AGAP1: variants seen among roughly 807,000 people sequenced by gnomAD.
The protein encoded by AGAP1 is arf-GAP with GTPase, ANK repeat and PH domain-containing protein 1.
A neutral mutation model predicts 105.3 loss-of-function variants in AGAP1; 29 were observed. The ratio of observed to expected loss-of-function variants is 0.28; its 90% CI spans 0.21 to 0.38. The LOEUF is 0.38. AGAP1 is among the 10% of genes least tolerant of loss of function. The probability of loss-of-function intolerance (pLI) is 1.00; values close to 1 mark genes in which losing one functional copy is unlikely to be tolerated. For synonymous variants in AGAP1, 509 were observed against 485.9 expected (o/e 1.05, Z -0.63); for missense variants, 998 against 1,165.1 (o/e 0.86, Z 2.09).
At chr2:235,922,398 T>C (rs2052225596) in intron 11 of AGAP1, among the ~76,000 whole-genome samples, 1 of 152,238 alleles carries the variant, frequency 6.6e-6, no homozygotes, top group South Asian at 2.1e-4. Context: ...TGAAAGTTCC[T>C]ATCGCCATCA....
chr2:236,074,321 C>G (rs2058581518), intron 16 of AGAP1, among the ~76,000 whole-genome samples: 1 of 152,194 alleles, frequency 6.6e-6, no homozygotes, highest in South Asian at 2.1e-4. Flanking sequence ...TCTCCACTCC[C>G]TCCCCATAGA....
At chr2:235,923,951 T>C (rs1338011241) in intron 11 of AGAP1, among the ~76,000 whole-genome samples, 1 of 152,126 alleles carries the variant, frequency 6.6e-6, no homozygotes, top group African/African-American at 2.4e-5. Context: ...AGAAGAGTGG[T>C]GTAGGTTGTC....
At position 235,720,618 on chromosome 2, in the gene AGAP1, A is replaced by G; in HGVS notation, c.310+2974A>G. On this transcript the variant is annotated intron_variant, in intron 3 of 17. Transcript: ENST00000304032. This position sits in a 1 kb window ranked among gnomAD's most constrained non-coding sequence, Gnocchi z 5.0. The stretch of plus-strand genomic sequence containing the variant: ...TCAACTGGGCAGCTACTTTGAATGA[A>G]AGGCATTTTGCTGTGTATCTGCCTG... 1.0e-6 allele frequency: 1 copy of G among 972,372 alleles called. No homozygotes were observed. The highest frequency in any genetic ancestry group is 1.2e-6 in the Non-Finnish European group (1 of 818,112). 60.2% of individuals were successfully genotyped at this position (972,372 alleles called of 1,614,324 possible). A position where few individuals can be genotyped will look rare whatever the true frequency, so the allele number is the denominator to read the frequency against.
Position 235,600,459 on chromosome 2 carries a change from T to A in AGAP1, c.163+105610T>A, listed in dbSNP as rs1482111152. ...ACCCCCTCATTACAGACCCCCACCA[T>A]CCCCGCTGGATTAGGGTTCTCTAGA... On this transcript the variant is annotated intron_variant, in intron 1 of 17. Coordinates refer to ENST00000304032, the MANE Select transcript of AGAP1 (RefSeq NM_001037131.3). The surrounding 1 kb of genome is among the most constrained non-coding windows in gnomAD (Gnocchi z 4.8). Among the ~76,000 whole-genome samples the A allele has an allele frequency of 6.6e-6, 1 of 151,516 alleles. No individual in the cohort carries two copies. Among genetic ancestry groups the A allele is most frequent in the Non-Finnish European group, 1.5e-5 (1 of 67,896 alleles).
intron 1 of AGAP1, among the ~76,000 whole-genome samples, chr2:235,497,424 G>A (rs1362896422): frequency 2.6e-5 from 4 of 152,194 alleles, no homozygotes; most frequent in Admixed American, 2.0e-4. Flanking sequence ...TTTCCAATCA[G>A]GACAGCAGGT....
At chr2:235,746,627 T>G (rs1952975755) in intron 5 of AGAP1, among the ~76,000 whole-genome samples, 1 of 151,996 alleles carries the variant, frequency 6.6e-6, no homozygotes, top group African/African-American at 2.4e-5. Flanking sequence ...TGTTTTAAAG[T>G]GGATGCTCAT....
intron 9 of AGAP1, among the ~76,000 whole-genome samples, chr2:235,873,302 C>G (rs758304040): frequency 6.6e-6 from 1 of 152,166 alleles, no homozygotes; most frequent in African/African-American, 2.4e-5. Context: ...AGCTATTTCC[C>G]GAGTCTGCTC....
At position 235,992,608 on chromosome 2, in the gene AGAP1, G is replaced by A. The variant is rs1311089789; in HGVS notation, c.1645+23985G>A. On this transcript the variant is annotated intron_variant, in intron 13 of 17. Coordinates refer to ENST00000304032, the MANE Select transcript of AGAP1 (RefSeq NM_001037131.3). The surrounding 1 kb of genome is among the most constrained non-coding windows in gnomAD (Gnocchi z 4.8). ...TGTGTTCTGATGTAAGAGATCACTTGTTATATTATGCTTTTTAAATGTTGA... is the reference window on the plus strand; with the variant it reads ...TGTGTTCTGATGTAAGAGATCACTTATTATATTATGCTTTTTAAATGTTGA... Among the ~76,000 whole-genome samples, 5 of 152,206 alleles carry A rather than the reference G, an allele frequency of 3.3e-5. No individual in the cohort carries two copies. The highest frequency in any genetic ancestry group is 7.3e-5 in the Non-Finnish European group (5 of 68,032).
chr2:235,846,181 G>A (rs1402134193), intron 9 of AGAP1, among the ~76,000 whole-genome samples: 3 of 152,034 alleles, frequency 2.0e-5, no homozygotes, highest in Non-Finnish European at 4.4e-5. Context: ...TGGAAATTTC[G>A]ATCTAGGACT....
intron 9 of AGAP1, among the ~76,000 whole-genome samples, chr2:235,873,696 T>C (rs1450380705): frequency 6.6e-6 from 1 of 152,220 alleles, no homozygotes; most frequent in African/African-American, 2.4e-5. Flanking sequence ...GTCCAGTCCA[T>C]GTGGAAGGAC....
chr2:235,784,397 A>G (rs1956476692), intron 6 of AGAP1, among the ~76,000 whole-genome samples: 1 of 152,198 alleles, frequency 6.6e-6, no homozygotes, highest in African/African-American at 2.4e-5. Context: ...ATCACAGCAG[A>G]TTACAGATTC....
At position 235,943,362 on chromosome 2, in the gene AGAP1, A is replaced by ATTTTTTTTTT. The variant is rs562379887; in HGVS notation, c.1483+12449_1483+12458dup. Among the ~76,000 whole-genome samples, 11 of 127,084 alleles carry ATTTTTTTTTT rather than the reference A, an allele frequency of 8.7e-5. 1 individual carries two copies. The highest frequency in any genetic ancestry group is 2.5e-4 in the South Asian group (1 of 3,994). The allele number at this position is 127,084 out of a possible 152,430, so 83.4% of individuals were successfully genotyped here. A position where few individuals can be genotyped will look rare whatever the true frequency, so the allele number is the denominator to read the frequency against. On this transcript the variant is annotated intron_variant, in intron 12 of 17. Transcript: ENST00000304032. Reference sequence around the variant, plus strand: ...AAAAGGCAAAGACCTAAAGGACTTAATTTTTTTTTTTTTTTTTTTGACACA... The same window carrying ATTTTTTTTTT: ...AAAAGGCAAAGACCTAAAGGACTTAATTTTTTTTTTTTTTTTTTTTTTTTTTTTTGACACA...
In AGAP1 at chr2:236,123,293, C is replaced by G. The variant is rs762332001; in HGVS notation, c.2371-626C>G. 5.3e-5 allele frequency among the ~76,000 whole-genome samples: 8 copies of G among 152,130 alleles called. No individual in the cohort carries two copies. The highest frequency in any genetic ancestry group is 1.0e-4 in the Non-Finnish European group (7 of 68,032). On this transcript the variant is annotated intron_variant, in intron 17 of 17. Coordinates refer to ENST00000304032, the MANE Select transcript of AGAP1 (RefSeq NM_001037131.3). This position sits in a 1 kb window ranked among gnomAD's most constrained non-coding sequence, Gnocchi z 4.6. Reference sequence around the variant, plus strand: ...ACAGGGTCTCCCAGTATTGCTCAGGCTAGTCTTGAACTCCTGGGCTGAAGT... The same window carrying G: ...ACAGGGTCTCCCAGTATTGCTCAGGGTAGTCTTGAACTCCTGGGCTGAAGT...
rs1248888151 is a variant in AGAP1, at chr2:235,574,686, T to C, written c.163+79837T>C. 6.6e-6 allele frequency among the ~76,000 whole-genome samples: 1 copy of C among 152,172 alleles called. No individual in the cohort carries two copies. Among genetic ancestry groups the C allele is most frequent in the Admixed American group, 6.6e-5 (1 of 15,262 alleles). ...ATTTGACCCCTAAAAGGAAGGTCTT[T>C]TGCTTTTTAAAGAGACTGTATTAAG... On this transcript the variant is annotated intron_variant, in intron 1 of 17. Coordinates refer to ENST00000304032, the MANE Select transcript of AGAP1 (RefSeq NM_001037131.3). The surrounding 1 kb of genome is among the most constrained non-coding windows in gnomAD (Gnocchi z 5.0).
At chr2:236,025,064 C>G (rs985992796) in intron 13 of AGAP1, among the ~76,000 whole-genome samples, 2 of 152,164 alleles carry the variant, frequency 1.3e-5, no homozygotes, top group African/African-American at 4.8e-5. Flanking sequence ...ATTTTGCTGT[C>G]TGTGTGTGTA....
chr2:235,826,496 C>A (rs981867310), intron 9 of AGAP1, among the ~76,000 whole-genome samples: 3 of 152,162 alleles, frequency 2.0e-5, no homozygotes, highest in Non-Finnish European at 2.9e-5. Flanking sequence ...GTCACCCAGG[C>A]TGGAGTGCAG....
intron 9 of AGAP1, among the ~76,000 whole-genome samples, chr2:235,858,759 A>G (rs768029109): frequency 2.0e-5 from 3 of 152,232 alleles, no homozygotes; most frequent in Non-Finnish European, 4.4e-5. Context: ...TGTGAAATTG[A>G]TGAGCAGGGA....
chr2:235,520,033 C>T lies in AGAP1; in HGVS notation c.163+25184C>T, dbSNP rs184526619. 9.8e-5 allele frequency among the ~76,000 whole-genome samples: 15 copies of T among 152,298 alleles called. No individual in the cohort carries two copies. In the South Asian group the frequency reaches 1.2e-3, roughly 13 times the overall value. ...CTGACCTCAGGTGATTCGCCTGCCT[C>T]GGCCTCCCAATGTGCTGGGATTATA... On this transcript the variant is annotated intron_variant, in intron 1 of 17. Transcript: ENST00000304032.
At chr2:235,649,672 G>A (rs1947516808) in intron 1 of AGAP1, among the ~76,000 whole-genome samples, 2 of 152,304 alleles carry the variant, frequency 1.3e-5, no homozygotes, top group East Asian at 1.9e-4. Context: ...GTGGCTGGCC[G>A]AGATTGTGCT....
Sources: gnomAD v4.1 joint callset for allele counts (sites outside exome capture counted in the v4.1 genomes callset) on GRCh38, gnomAD v4.1.1 for gene constraint, Gnocchi (gnomAD v3.1) non-coding constraint, MANE v1.5 for transcripts, NCBI Gene and HGNC (gene_info 2026-07-23, HGNC 2026-07-21) for gene names.